Variants in AGFG1 observed in about 807,000 individuals in gnomAD.
AGFG1 encodes arf-GAP domain and FG repeat-containing protein 1.
In AGFG1, 10 loss-of-function variants were observed where a neutral mutation model predicts 60.6. That is an observed-to-expected ratio of 0.16 (90% CI 0.10 to 0.28). The LOEUF is 0.28. Among genes scored for constraint, AGFG1 ranks in the 10% least tolerant of loss-of-function variants. The probability of loss-of-function intolerance (pLI) is 1.00; values close to 1 mark genes in which losing one functional copy is unlikely to be tolerated. For synonymous variants in AGFG1, 247 were observed against 242.9 expected (o/e 1.02, Z -0.16); for missense variants, 537 against 676.5 (o/e 0.79, Z 2.29).
At chr2:227,542,480 G>A (rs1251588437) in intron 10 of AGFG1, among the ~76,000 whole-genome samples, 2 of 152,172 alleles carry the variant, frequency 1.3e-5, no homozygotes, top group Non-Finnish European at 2.9e-5. Flanking sequence ...TGCATATGTT[G>A]AACCAGCCTT....
intron 10 of AGFG1, among the ~76,000 whole-genome samples, chr2:227,541,938 A>G (rs928405809): frequency 2.0e-5 from 3 of 152,112 alleles, no homozygotes; most frequent in African/African-American, 7.2e-5. Flanking sequence ...ATTCCTAAGT[A>G]TTTTATTCTC....
chr2:227,505,490 A>G (rs569196535), intron 2 of AGFG1, among the ~76,000 whole-genome samples: 1 of 152,184 alleles, frequency 6.6e-6, no homozygotes, highest in East Asian at 1.9e-4. Flanking sequence ...CAGTTTCCAG[A>G]GGCTCTTAAT....
chr2:227,496,794 G>T (rs563306370), intron 2 of AGFG1, among the ~76,000 whole-genome samples: 4 of 152,242 alleles, frequency 2.6e-5, no homozygotes, highest in South Asian at 2.1e-4. Context: ...GTTATAAGAA[G>T]AATTATCAAT....
At chr2:227,515,759 C>A (rs533645965) in intron 2 of AGFG1, among the ~76,000 whole-genome samples, 2 of 152,070 alleles carry the variant, frequency 1.3e-5, no homozygotes, top group East Asian at 3.9e-4. Flanking sequence ...TTTTTCCCAA[C>A]CTTGAAACCC....
chr2:227,472,665 C>G lies in AGFG1; in HGVS notation c.167+77C>G, dbSNP rs957408743. The G allele has an allele frequency of 2.9e-5, 42 of 1,459,404 alleles. No homozygotes were observed. In the African/African-American group the frequency reaches 6.0e-4, roughly 21 times the overall value. 90.4% of individuals were successfully genotyped at this position (1,459,404 alleles called of 1,614,324 possible). ...AGCGGGCGGCGGGACCGGGACCCTT[C>G]CGGGGCTGGGAAAGAGCCGGGTGCC... On this transcript the variant is annotated intron_variant, in intron 1 of 12. Transcript: ENST00000310078.
intron 3 of AGFG1, among the ~76,000 whole-genome samples, chr2:227,522,192 T>C (rs762247734): frequency 3.9e-5 from 6 of 152,118 alleles, no homozygotes; most frequent in Admixed American, 6.5e-5. Flanking sequence ...GGTATGAAAA[T>C]AGATTAAAAT....
chr2:227,534,701 AG>A (rs1692257733), intron 7 of AGFG1, 143 bp from the exon 8 acceptor site: 1 of 796,408 alleles, frequency 1.3e-6, no homozygotes, highest in East Asian at 2.7e-5. Context: ...AGTATGGTCC[AG>A]GTTATTTATT....
rs997126561 is a variant in AGFG1 at position 227,555,414 on chromosome 2, A to G, written c.*919A>G. The G allele has an allele frequency of 3.9e-5, 6 of 152,472 alleles. No individual in the cohort carries two copies. The highest frequency in any genetic ancestry group is 1.4e-4 in the African/African-American group (6 of 41,392). 9.4% of individuals were successfully genotyped at this position (152,472 alleles called of 1,614,324 possible). A position where few individuals can be genotyped will look rare whatever the true frequency, so the allele number is the denominator to read the frequency against. On this transcript the variant is annotated 3_prime_UTR_variant, in exon 13 of 13. Transcript: ENST00000310078. The stretch of plus-strand genomic sequence containing the variant: ...AATTTGCATGTATGTGTATTTACAA[A>G]TTTTTCTAAGTATCTTGAATTCTCA...
chr2:227,472,324 C>A lies in AGFG1; in HGVS notation c.-98C>A. On this transcript the variant is annotated 5_prime_UTR_variant, in exon 1 of 13. Coordinates refer to ENST00000310078, the MANE Select transcript of AGFG1 (RefSeq NM_004504.5). ...GCGGGCGGCGCGCGCAGACGGAGGG[C>A]GGCGGCCGCGGCCAGGGCGGCCCGT... The A allele has an allele frequency of 1.3e-6, 1 of 795,488 alleles. No homozygotes were observed. Among genetic ancestry groups the A allele is most frequent in the Non-Finnish European group, 1.5e-6 (1 of 658,584 alleles). 49.3% of individuals were successfully genotyped at this position (795,488 alleles called of 1,614,324 possible).
chr2:227,524,541 T>C (rs1447420915), intron 4 of AGFG1, among the ~76,000 whole-genome samples: 2 of 152,316 alleles, frequency 1.3e-5, no homozygotes, highest in South Asian at 4.1e-4. Context: ...TTCAGAGGCG[T>C]AGTACTGTGG....
At chr2:227,536,793 G>A in intron 9 of AGFG1, 89 bp downstream of exon 9, 1 of 1,553,044 alleles carries the variant, frequency 6.4e-7, no homozygotes, top group Non-Finnish European at 8.8e-7. Context: ...GCAATGATTT[G>A]TTATCAGAAT....
At chr2:227,514,495 A>T (rs1272249855) in intron 2 of AGFG1, among the ~76,000 whole-genome samples, 1 of 152,130 alleles carries the variant, frequency 6.6e-6, no homozygotes, top group African/African-American at 2.4e-5. Context: ...CACCTGGCCA[A>T]ACTAATACTA....
chr2:227,506,839 T>C (rs1314949697), intron 2 of AGFG1, among the ~76,000 whole-genome samples: 1 of 152,154 alleles, frequency 6.6e-6, no homozygotes, highest in Non-Finnish European at 1.5e-5. Flanking sequence ...TTATTCCACC[T>C]TCTGGATTTT....
At chr2:227,517,663 C>A (rs925223274) in intron 2 of AGFG1, among the ~76,000 whole-genome samples, 2 of 152,226 alleles carry the variant, frequency 1.3e-5, no homozygotes, top group African/African-American at 4.8e-5. Flanking sequence ...CTCCCATACC[C>A]AGTTCAGTGA....
At chr2:227,537,663 A>G (rs1692352644) in intron 10 of AGFG1, among the ~76,000 whole-genome samples, 1 of 152,158 alleles carries the variant, frequency 6.6e-6, no homozygotes, top group African/African-American at 2.4e-5. Context: ...TACCTTAAAC[A>G]CCAGAGATAT....
At chr2:227,516,106 G>T (rs1185935058) in intron 2 of AGFG1, among the ~76,000 whole-genome samples, 2 of 152,198 alleles carry the variant, frequency 1.3e-5, no homozygotes, top group African/African-American at 4.8e-5. Flanking sequence ...AAGGAAAGAT[G>T]AATAAAATTA....
chr2:227,505,370 T>C (rs1310736046), intron 2 of AGFG1, among the ~76,000 whole-genome samples: 1 of 152,222 alleles, frequency 6.6e-6, no homozygotes, highest in Admixed American at 6.5e-5. Flanking sequence ...TTTACCAAAT[T>C]GGGAAAATTT....
intron 1 of AGFG1, among the ~76,000 whole-genome samples, chr2:227,480,257 C>G (rs543634136): frequency 1.3e-3 from 191 of 152,230 alleles, no homozygotes; most frequent in African/African-American, 4.2e-3. Flanking sequence ...AGAGGTAATA[C>G]ATTTATTTTT....
chr2:227,497,165 T>TCCCCCCCCCCCC (rs11422803), intron 2 of AGFG1, among the ~76,000 whole-genome samples: 14 of 137,342 alleles, frequency 1.0e-4, no homozygotes, highest in East Asian at 2.4e-4. Flanking sequence ...CACCCCCTCT[T>TCCCCCCCCCCCC]CCCCCCCCAC....
Sources: allele counts gnomAD v4.1 joint callset (sites outside exome capture counted in the v4.1 genomes callset), GRCh38; gene constraint gnomAD v4.1.1; transcripts MANE v1.5; gene names NCBI Gene and HGNC (gene_info 2026-07-23, HGNC 2026-07-21).